DLG2: variants seen among roughly 807,000 people sequenced by gnomAD.
DLG2 encodes the protein disks large homolog 2.
A neutral mutation model predicts 132.5 loss-of-function variants in DLG2; 45 were observed. The ratio of observed to expected loss-of-function variants is 0.34; its 90% CI spans 0.27 to 0.44. The LOEUF is 0.44. Among genes scored for constraint, DLG2 ranks in the 20% least tolerant of loss-of-function variants. DLG2 has a pLI of 1.00. For missense variants in DLG2, 1,045 were observed against 1,196.9 expected, an observed-to-expected ratio of 0.87 and a Z score of 1.87; for synonymous variants, 424 against 419.6, an observed-to-expected ratio of 1.01 and a Z score of -0.13.
chr11:85,118,212 T>C (rs1181198297), intron 5 of DLG2, among the ~76,000 whole-genome samples: 1 of 152,072 alleles, frequency 6.6e-6, no homozygotes, highest in African/African-American at 2.4e-5. Context: ...ACTGAAGCCA[T>C]GCTGGGGAGT....
At chr11:84,886,728 T>C (rs1383321973) in intron 6 of DLG2, among the ~76,000 whole-genome samples, 1 of 152,124 alleles carries the variant, frequency 6.6e-6, no homozygotes, top group Non-Finnish European at 1.5e-5. Context: ...GAAAACACAG[T>C]GATCAGGTGA....
At chr11:85,153,369 T>A (rs2077391741) in intron 5 of DLG2, among the ~76,000 whole-genome samples, 1 of 152,198 alleles carries the variant, frequency 6.6e-6, no homozygotes, top group African/African-American at 2.4e-5. Flanking sequence ...TATCCATTAG[T>A]CAGCTTTCCT....
At chr11:83,655,569 T>C (rs901845657) in intron 18 of DLG2, among the ~76,000 whole-genome samples, 9 of 152,340 alleles carry the variant, frequency 5.9e-5, no homozygotes, top group African/African-American at 1.9e-4. Flanking sequence ...AGAGTTTATG[T>C]GTATATGTAC....
chr11:85,134,679 G>A (rs937679939), intron 5 of DLG2, among the ~76,000 whole-genome samples: 2 of 151,414 alleles, frequency 1.3e-5, no homozygotes, highest in East Asian at 3.9e-4. Flanking sequence ...CTAAATAAAT[G>A]AATGTCTCAG....
chr11:85,042,078 A>G (rs2061920124), intron 6 of DLG2, among the ~76,000 whole-genome samples: 1 of 151,904 alleles, frequency 6.6e-6, no homozygotes, highest in Admixed American at 6.6e-5. Context: ...TAAATCTATC[A>G]AAATTGGAAA....
chr11:84,917,348 T>C (rs979343904), intron 6 of DLG2, among the ~76,000 whole-genome samples: 1 of 152,182 alleles, frequency 6.6e-6, no homozygotes, highest in African/African-American at 2.4e-5. Flanking sequence ...CTTAATTCCT[T>C]ACCTAATTTT....
intron 6 of DLG2, among the ~76,000 whole-genome samples, chr11:84,611,093 C>G (rs1314855395): frequency 6.6e-6 from 1 of 151,140 alleles, no homozygotes; most frequent in East Asian, 1.9e-4. Context: ...GTTTATGCCT[C>G]TAACTGAGCT....
At chr11:84,916,093 C>T in intron 6 of DLG2, among the ~76,000 whole-genome samples, 1 of 151,962 alleles carries the variant, frequency 6.6e-6, no homozygotes, top group Non-Finnish European at 1.5e-5. Context: ...CGCCTGTAAT[C>T]CCAGCACTTT....
intron 15 of DLG2, among the ~76,000 whole-genome samples, chr11:83,911,568 G>T (rs905411209): frequency 6.6e-6 from 1 of 151,898 alleles, no homozygotes; most frequent in African/African-American, 2.4e-5. Context: ...AAGAATGCTG[G>T]TTTTACAGCA....
chr11:84,154,583 T>G (rs1481149636), intron 9 of DLG2, among the ~76,000 whole-genome samples: 1 of 152,176 alleles, frequency 6.6e-6, no homozygotes, highest in Non-Finnish European at 1.5e-5. Context: ...TGTGCTGTGT[T>G]GGTGTGCTGC....
intron 6 of DLG2, among the ~76,000 whole-genome samples, chr11:85,017,731 A>C (rs1168797432): frequency 1.3e-5 from 2 of 152,234 alleles, no homozygotes; most frequent in Non-Finnish European, 2.9e-5. Flanking sequence ...TGGAGATATC[A>C]GTCAATACAC....
chr11:85,437,902 T>C (rs1410775910), intron 3 of DLG2, among the ~76,000 whole-genome samples: 2 of 152,152 alleles, frequency 1.3e-5, no homozygotes, highest in African/African-American at 4.8e-5. Flanking sequence ...CATAAACACA[T>C]AGAGAACAAT....
At chr11:85,547,475 T>C (rs1179394673) in intron 3 of DLG2, among the ~76,000 whole-genome samples, 1 of 152,252 alleles carries the variant, frequency 6.6e-6, no homozygotes, top group East Asian at 1.9e-4. Context: ...GCGTTGTTCT[T>C]CTCAAGGAGT....
chr11:84,251,526 A>G (rs1038355911), intron 7 of DLG2, among the ~76,000 whole-genome samples: 3 of 152,170 alleles, frequency 2.0e-5, no homozygotes, highest in Non-Finnish European at 2.9e-5. Flanking sequence ...CATATAATTT[A>G]CATTCATTTT....
At chr11:84,680,832 A>G (rs1229676079) in intron 6 of DLG2, among the ~76,000 whole-genome samples, 1 of 152,172 alleles carries the variant, frequency 6.6e-6, no homozygotes, top group Non-Finnish European at 1.5e-5. Flanking sequence ...GCAGTTTTAT[A>G]CATAATTCTT....
chr11:85,159,188 T>C (rs950597186), intron 4 of DLG2, among the ~76,000 whole-genome samples: 5 of 152,134 alleles, frequency 3.3e-5, no homozygotes, highest in African/African-American at 1.2e-4. Flanking sequence ...AAAAGGTCAT[T>C]GTGGTCCTCC....
intron 7 of DLG2, among the ~76,000 whole-genome samples, chr11:84,426,699 CCAAGACTTGAAATAAAG>C (rs949721091): frequency 6.6e-6 from 1 of 151,816 alleles, no homozygotes; most frequent in Non-Finnish European, 1.5e-5. Flanking sequence ...CTCTTTTTTC[CCAAGACTTGAAATAAAG>C]CAACAAACGT....
At chr11:83,613,667 G>T (rs1290128589) in intron 19 of DLG2, among the ~76,000 whole-genome samples, 1 of 152,112 alleles carries the variant, frequency 6.6e-6, no homozygotes, top group Non-Finnish European at 1.5e-5. Context: ...TTAGCTAGCT[G>T]CAGGTTTGCA....
chr11:85,405,140 C>A (rs1337295206), intron 3 of DLG2, among the ~76,000 whole-genome samples: 2 of 151,922 alleles, frequency 1.3e-5, no homozygotes, highest in Non-Finnish European at 2.9e-5. Flanking sequence ...TGGTTTGACA[C>A]TGCTAAGTAC....
Sources: allele counts gnomAD v4.1 joint callset (sites outside exome capture counted in the v4.1 genomes callset), GRCh38; gene constraint gnomAD v4.1.1; transcripts MANE v1.5; gene names NCBI Gene and HGNC (gene_info 2026-07-23, HGNC 2026-07-21).